RBFOX1: variants seen among roughly 807,000 people sequenced by gnomAD.
RBFOX1 encodes RNA binding protein fox-1 homolog 1.
Under a neutral mutation model 57.7 loss-of-function variants are expected in RBFOX1, and 8 were observed. That is an observed-to-expected ratio of 0.14 (90% CI 0.08 to 0.25). The LOEUF (loss-of-function observed/expected upper bound fraction) is 0.25, where lower values mean the gene tolerates loss of function less well. Ranked by LOEUF, RBFOX1 falls within the 10% of genes least tolerant of loss-of-function variation. The pLI, the probability that RBFOX1 is intolerant of heterozygous loss-of-function variation, is 1.00. For missense variants in RBFOX1, 611 were observed against 548.5 expected (o/e 1.11, Z -1.14); for synonymous variants, 326 against 222.4 (o/e 1.47, Z -4.15).
At chr16:7,453,837 C>T (rs1199499202) in intron 4 of RBFOX1, among the ~76,000 whole-genome samples, 1 of 152,084 alleles carries the variant, frequency 6.6e-6, no homozygotes, top group African/African-American at 2.4e-5. Context: ...GATGGCATTC[C>T]TAGAGTTCAT....
chr16:6,216,269 C>G (rs1264137263), intron 1 of RBFOX1, among the ~76,000 whole-genome samples: 3 of 151,926 alleles, frequency 2.0e-5, no homozygotes, highest in African/African-American at 4.8e-5. Flanking sequence ...CACATATACC[C>G]CTGAACGTAA....
At chr16:5,502,810 A>T (rs1315855719) in intron 2 of RBFOX1, among the ~76,000 whole-genome samples, 1 of 151,860 alleles carries the variant, frequency 6.6e-6, no homozygotes, top group Non-Finnish European at 1.5e-5. Flanking sequence ...TCAGTTCCAG[A>T]CTCTTCCGCG....
chr16:6,513,116 C>G (rs1026852592), intron 2 of RBFOX1, among the ~76,000 whole-genome samples: 7 of 152,232 alleles, frequency 4.6e-5, no homozygotes, highest in African/African-American at 1.7e-4. Context: ...AATCCCAGCT[C>G]TACCACCCAT....
chr16:5,994,160 G>A (rs1416582384), intron 4 of RBFOX1, among the ~76,000 whole-genome samples: 1 of 152,014 alleles, frequency 6.6e-6, no homozygotes, highest in Non-Finnish European at 1.5e-5. Context: ...CAATTCATTG[G>A]GTTTTTTGTT....
At chr16:5,451,542 G>C (rs2068426149) in intron 1 of RBFOX1, among the ~76,000 whole-genome samples, 1 of 152,230 alleles carries the variant, frequency 6.6e-6, no homozygotes, top group African/African-American at 2.4e-5. Flanking sequence ...AAAGATGGAA[G>C]GAACTCCACT....
chr16:6,580,591 G>A (rs552129441), intron 2 of RBFOX1, among the ~76,000 whole-genome samples: 1 of 152,216 alleles, frequency 6.6e-6, no homozygotes, highest in East Asian at 1.9e-4. Flanking sequence ...AATGTCACAG[G>A]GGGGGATGCA....
chr16:5,614,199 G>C (rs1052908216), intron 3 of RBFOX1, among the ~76,000 whole-genome samples: 1 of 152,144 alleles, frequency 6.6e-6, no homozygotes, highest in African/African-American at 2.4e-5. Context: ...GCCTGAGCCT[G>C]ACATTTTTTT....
intron 1 of RBFOX1, among the ~76,000 whole-genome samples, chr16:5,255,170 C>T (rs1218835968): frequency 6.6e-6 from 1 of 152,154 alleles, no homozygotes; most frequent in East Asian, 1.9e-4. Flanking sequence ...CTGACCATTA[C>T]CCATAATCAT....
At chr16:5,495,574 G>A (rs996505815) in intron 2 of RBFOX1, among the ~76,000 whole-genome samples, 14 of 152,204 alleles carry the variant, frequency 9.2e-5, no homozygotes, top group African/African-American at 3.1e-4. Context: ...TAAGCTAGCA[G>A]CTGAGAAGAC....
At chr16:5,322,813 A>T (rs753628556) in intron 1 of RBFOX1, among the ~76,000 whole-genome samples, 10 of 152,178 alleles carry the variant, frequency 6.6e-5, no homozygotes, top group Non-Finnish European at 1.3e-4. Context: ...TTATTTTGAG[A>T]GTTAAATGTT....
chr16:7,019,782 G>C (rs1202772022), intron 3 of RBFOX1, among the ~76,000 whole-genome samples: 1 of 152,116 alleles, frequency 6.6e-6, no homozygotes, highest in African/African-American at 2.4e-5. Context: ...GCTTGTACAA[G>C]GAAATACCCA....
chr16:6,882,572 G>A (rs896555352), intron 3 of RBFOX1, among the ~76,000 whole-genome samples: 9 of 152,030 alleles, frequency 5.9e-5, no homozygotes, highest in Non-Finnish European at 7.4e-5. Flanking sequence ...CTGCAGCCTC[G>A]GTGGCAGAGT....
At chr16:6,002,805 A>T (rs912620747) in intron 4 of RBFOX1, among the ~76,000 whole-genome samples, 1 of 152,250 alleles carries the variant, frequency 6.6e-6, no homozygotes, top group African/African-American at 2.4e-5. Context: ...TGATTGAGTT[A>T]GAGCAAATAA....
At chr16:6,591,759 C>G (rs75243621) in intron 2 of RBFOX1, among the ~76,000 whole-genome samples, 3,253 of 152,254 alleles carry the variant, frequency 0.021, 87 homozygotes, top group African/African-American at 0.06. Context: ...AAAGCAGAGT[C>G]TGCATTTGTA....
intron 2 of RBFOX1, among the ~76,000 whole-genome samples, chr16:5,588,829 A>G (rs1478847463): frequency 1.3e-5 from 2 of 152,216 alleles, no homozygotes; most frequent in Non-Finnish European, 2.9e-5. Context: ...CATTAGCATT[A>G]CAGATGCCCA....
intron 3 of RBFOX1, among the ~76,000 whole-genome samples, chr16:6,803,445 A>T (rs946935847): frequency 1.9e-4 from 29 of 152,150 alleles, no homozygotes; most frequent in African/African-American, 6.8e-4. Context: ...GCCTTGGAAA[A>T]ACAAACATTT....
At chr16:6,016,255 G>C (rs996255054), upstream of RBFOX1, among the ~76,000 whole-genome samples, 1 of 152,154 alleles carries the variant, frequency 6.6e-6, no homozygotes, top group African/African-American at 2.4e-5. Flanking sequence ...CCTTATCTGT[G>C]CCTATGGGGG....
intron 2 of RBFOX1, among the ~76,000 whole-genome samples, chr16:6,595,010 G>T (rs4786894): frequency 6.6e-6 from 1 of 152,130 alleles, no homozygotes; most frequent in Non-Finnish European, 1.5e-5. Flanking sequence ...GCTGGTCTTG[G>T]TCTTCTGAGC....
intron 1 of RBFOX1, among the ~76,000 whole-genome samples, chr16:5,427,864 C>G (rs1454945656): frequency 1.3e-5 from 2 of 152,172 alleles, no homozygotes; most frequent in Non-Finnish European, 2.9e-5. Context: ...CCAGAAACAT[C>G]CAGAATACTG....
Sources: gnomAD v4.1 joint callset for allele counts (sites outside exome capture counted in the v4.1 genomes callset) on GRCh38, gnomAD v4.1.1 for gene constraint, MANE v1.5 for transcripts, NCBI Gene and HGNC (gene_info 2026-07-23, HGNC 2026-07-21) for gene names.